WDR3: variants seen among roughly 807,000 people sequenced by gnomAD.
WDR3 encodes the protein WD repeat-containing protein 3.
A neutral mutation model predicts 123.7 loss-of-function variants in WDR3; 81 were observed. The ratio of observed to expected loss-of-function variants is 0.65; its 90% CI spans 0.55 to 0.79. The LOEUF is 0.79. Among genes scored for constraint, WDR3 ranks in the 30% least tolerant of loss-of-function variants. The probability of loss-of-function intolerance (pLI) is 0.00; values close to 1 mark genes in which losing one functional copy is unlikely to be tolerated. For missense variants in WDR3, 1,027 were observed against 1,123.2 expected (o/e 0.91, Z 1.22); for synonymous variants, 390 against 388.8 (o/e 1.00, Z -0.04).
At chr1:117,932,457 A>G (rs771405789) in intron 1 of WDR3, among the ~76,000 whole-genome samples, 2 of 152,238 alleles carry the variant, frequency 1.3e-5, no homozygotes, top group Non-Finnish European at 1.5e-5. Flanking sequence ...TTTTCTAGCA[A>G]TGTTTTCATA....
intron 4 of WDR3, 41 bp downstream of exon 4, chr1:117,936,928 A>G: frequency 6.4e-7 from 1 of 1,567,638 alleles, no homozygotes; most frequent in East Asian, 2.2e-5. Context: ...TTTTCTAGGA[A>G]GAGAGAATTT....
intron 22 of WDR3, among the ~76,000 whole-genome samples, 162 bp from the exon 23 acceptor site, chr1:117,954,418 A>G (rs779007859): frequency 1.3e-5 from 2 of 152,138 alleles, no homozygotes; most frequent in Non-Finnish European, 2.9e-5. Context: ...CATGAGTACT[A>G]TAGAAACTAA....
chr1:117,956,634 GA>G (rs1294353102), intron 24 of WDR3, among the ~76,000 whole-genome samples: 1 of 152,100 alleles, frequency 6.6e-6, no homozygotes, highest in Non-Finnish European at 1.5e-5. Context: ...GCTAGTTCTA[GA>G]GGGAACTATT....
At chr1:117,953,953 C>A in intron 21 of WDR3, 54 bp from the exon 22 acceptor site, 1 of 1,471,296 alleles carries the variant, frequency 6.8e-7, no homozygotes, top group South Asian at 1.2e-5. Flanking sequence ...GTTTCAGTGT[C>A]CTGGGATGAT....
At chr1:117,951,778 C>T (rs1041675316) in intron 16 of WDR3, among the ~76,000 whole-genome samples, 198 bp from the exon 17 acceptor site, 2 of 152,078 alleles carry the variant, frequency 1.3e-5, no homozygotes, top group Admixed American at 6.6e-5. Flanking sequence ...CCACAGAGTT[C>T]GTGCTTTTAC....
Position 117,949,892 on chromosome 1 carries a change from T to C in WDR3, c.1610+56T>C. ...GGAGTGAAAATGGGGAGCTATGGAA[T>C]GGCCTTTTGACGTCTTATATCATTT... is the stretch of plus-strand genomic sequence containing the variant. On this transcript the variant is annotated intron_variant, in intron 14 of 26. Coordinates refer to ENST00000349139, the MANE Select transcript of WDR3 (RefSeq NM_006784.3). The C allele has an allele frequency of 1.9e-6, 3 of 1,610,684 alleles. No homozygotes were observed. In the South Asian group the frequency reaches 3.3e-5, roughly 18 times the overall value.
rs1653372533 is a variant in WDR3, at chr1:117,963,416, T to C, written c.*3969T>C. On this transcript the variant is annotated 3_prime_UTR_variant, in exon 27 of 27. Coordinates refer to ENST00000349139, the MANE Select transcript of WDR3 (RefSeq NM_006784.3). ...TCTCGCTCTGTCTCCCAGGCTGGAG[T>C]GCAGTGGCACGATCTTGGCTCACTG... 6.6e-6 allele frequency: 1 copy of C among 152,098 alleles called. No homozygotes were observed. 9.4% of individuals were successfully genotyped at this position (152,098 alleles called of 1,614,324 possible).
chr1:117,956,524 G>A (rs576866313), intron 24 of WDR3, among the ~76,000 whole-genome samples: 5 of 152,246 alleles, frequency 3.3e-5, no homozygotes, highest in Admixed American at 6.5e-5. Flanking sequence ...GGAAGATTCT[G>A]TGTTTTAAAG....
intron 15 of WDR3, 34 bp from the exon 16 acceptor site, chr1:117,950,800 A>T: frequency 6.4e-7 from 1 of 1,556,070 alleles, no homozygotes; most frequent in Non-Finnish European, 8.8e-7. Context: ...CATATTTTAT[A>T]GACAGACATT....
intron 6 of WDR3, 76 bp from the exon 7 acceptor site, chr1:117,940,731 CAACAACAACAACAACAACAA>C: frequency 5.2e-6 from 5 of 969,358 alleles, no homozygotes; most frequent in Non-Finnish European, 6.1e-6. Flanking sequence ...CTGTCTCCGA[CAACAACAACAACAACAACAA>C]AACAACAACA....
In WDR3 at chr1:117,940,850, C is replaced by T; in HGVS notation, c.699C>T (p.Asp233=). 1 of 1,613,560 alleles carries T rather than the reference C, an allele frequency of 6.2e-7. No homozygotes were observed. Among genetic ancestry groups the T allele is most frequent in the South Asian group, 1.1e-5 (1 of 90,906 alleles). ...LQEIEDPEEP[D]PKKIKGSSPG... ...AGATTGAAGACCCGGAAGAACCAGA[C>T]CCCAAGAAAATCAAAGGATCTTCTC... is the stretch of plus-strand genomic sequence containing the variant. Residue 233 remains aspartate, a synonymous_variant, in exon 7 of 27, where the codon GAC becomes GAT. Transcript: ENST00000349139.
rs1652634599 is a variant in WDR3, at chr1:117,958,972, A to C, written c.2645A>C (p.Glu882Ala). The part of the protein sequence containing the change: ...MLVPVIEKLR[E>A]TTISKVSQVR... ...GTGCCAGTGATAGAAAAATTAAGGG[A>C]AACAACTATTTCAAAAGTCAGCCAA... Residue 882 changes from glutamate (E) to alanine (A), a missense_variant, in exon 26 of 27, where the codon GAA becomes GCA. By Grantham distance (107) the Glu-to-Ala change is moderately radical. Coordinates refer to ENST00000349139, the MANE Select transcript of WDR3 (RefSeq NM_006784.3). The C allele has an allele frequency of 2.5e-6, 4 of 1,614,044 alleles. No homozygotes were observed. Among genetic ancestry groups the C allele is most frequent in the Non-Finnish European group, 3.4e-6 (4 of 1,179,946 alleles).
At chr1:117,952,158 G>T in intron 17 of WDR3, 82 bp downstream of exon 17, 1 of 1,514,116 alleles carries the variant, frequency 6.6e-7, no homozygotes, top group African/African-American at 1.4e-5. Flanking sequence ...CTATTTTTCA[G>T]TGTTCTCAGG....
rs145570600 is a variant in WDR3 at position 117,948,609 on chromosome 1, G to A, written c.1524+103G>A. 2.0e-3 allele frequency: 1,363 copies of A among 681,028 alleles called. 15 individuals carry two copies. The African/African-American group carries it at 0.023, about 11-fold the overall frequency. 42.2% of individuals were successfully genotyped at this position (681,028 alleles called of 1,614,324 possible). A position where few individuals can be genotyped will look rare whatever the true frequency, so the allele number is the denominator to read the frequency against. Reference sequence around the variant, plus strand: ...AGCCTGAGGTTTTTTTTTTTTTTTGGTCTAATCTTTAGTGTTTGTATATGA... The same window carrying A: ...AGCCTGAGGTTTTTTTTTTTTTTTGATCTAATCTTTAGTGTTTGTATATGA... On this transcript the variant is annotated intron_variant, in intron 13 of 26. Transcript: ENST00000349139.
intron 3 of WDR3, 100 bp from the exon 4 acceptor site, chr1:117,936,669 T>C: frequency 2.3e-6 from 2 of 878,460 alleles, no homozygotes; most frequent in Admixed American, 5.0e-5. Context: ...CTGTAAGGAC[T>C]GTGTATTGCC....
At chr1:117,956,174 T>G (rs1410144150) in intron 24 of WDR3, among the ~76,000 whole-genome samples, 2 of 152,208 alleles carry the variant, frequency 1.3e-5, no homozygotes, top group Non-Finnish European at 2.9e-5. Context: ...AGTATTATTT[T>G]ACTGGTTTTT....
In WDR3 at chr1:117,936,398, A is replaced by G. The variant is rs1219626168; in HGVS notation, c.382-371A>G. 1.1e-4 allele frequency among the ~76,000 whole-genome samples: 17 copies of G among 152,128 alleles called. 2 individuals carry two copies. Among genetic ancestry groups the G allele is most frequent in the African/African-American group, 2.4e-5 (1 of 41,454 alleles). On this transcript the variant is annotated intron_variant, in intron 3 of 26. Coordinates refer to ENST00000349139, the MANE Select transcript of WDR3 (RefSeq NM_006784.3). ...GAAAAATTTTTAAATAAGTTGTGCT[A>G]TTACTTTAGAATTGATTATTATGTG...
At chr1:117,954,700 G>A in intron 23 of WDR3, 73 bp downstream of exon 23, 1 of 1,467,256 alleles carries the variant, frequency 6.8e-7, no homozygotes. Flanking sequence ...GGAAGTAGAG[G>A]CATTATGATT....
intron 5 of WDR3, among the ~76,000 whole-genome samples, chr1:117,939,240 C>T (rs939415728): frequency 1.3e-5 from 2 of 152,250 alleles, no homozygotes; most frequent in African/African-American, 2.4e-5. Context: ...TTTGATTATA[C>T]GAGGTTAGAG....
Sources: gnomAD v4.1 joint callset for allele counts (sites outside exome capture counted in the v4.1 genomes callset) on GRCh38, gnomAD v4.1.1 for gene constraint, MANE v1.5 for transcripts, NCBI Gene and HGNC (gene_info 2026-07-23, HGNC 2026-07-21) for gene names.